The following TPRG1 variants were observed in gnomAD, a reference collection of about 807,000 sequenced individuals.
TPRG1 encodes the protein tumor protein p63 regulated 1.
Under a neutral mutation model 29.3 loss-of-function variants are expected in TPRG1, and 29 were observed. The ratio of observed to expected loss-of-function variants is 0.99; its 90% CI spans 0.74 to 1.35. The LOEUF (loss-of-function observed/expected upper bound fraction) is 1.35. Ranked by LOEUF, TPRG1 falls within the 40% of genes most tolerant of loss-of-function variation. TPRG1 has a pLI of 0.00. For synonymous variants in TPRG1, 130 were observed against 116.8 expected, an observed-to-expected ratio of 1.11 and a Z score of -0.73; for missense variants, 327 against 335.0, an observed-to-expected ratio of 0.98 and a Z score of 0.19.
intron 3 of TPRG1, among the ~76,000 whole-genome samples, chr3:189,225,230 C>A (rs1438086231): frequency 2.0e-5 from 3 of 152,222 alleles, no homozygotes; most frequent in Non-Finnish European, 4.4e-5. Flanking sequence ...CACGCCCTGC[C>A]GTCTCTTCCA....
chr3:189,186,985 G>GTTTTTTTT (rs397875585), intron 1 of TPRG1, among the ~76,000 whole-genome samples: 27 of 88,938 alleles, frequency 3.0e-4, no homozygotes, highest in African/African-American at 4.8e-4. Flanking sequence ...CATCTAAAGT[G>GTTTTTTTT]TTTTTTTTTT....
At chr3:189,151,888 A>C (rs1409857171) in intron 5 of TPRG1, among the ~76,000 whole-genome samples, 1 of 152,170 alleles carries the variant, frequency 6.6e-6, no homozygotes, top group Admixed American at 6.5e-5. Context: ...CTTACAAAAA[A>C]AAAATTGATT....
In TPRG1 at chr3:189,044,767, C is replaced by G. The variant is rs534684306; in HGVS notation, c.-463+20821C>G. 2.6e-5 allele frequency among the ~76,000 whole-genome samples: 4 copies of G among 152,114 alleles called. No individual in the cohort carries two copies. The South Asian group carries it at 8.3e-4, about 31-fold the overall frequency. On this transcript the variant is annotated intron_variant, in intron 4 of 10. Transcript: ENST00000433971. ...AGTTGGTGGTCTTCTTGAGGAGAAA[C>G]TTGAATGACAGAATTTTTGGACTTT...
intron 3 of TPRG1, among the ~76,000 whole-genome samples, chr3:189,016,579 C>A (rs1018203366): frequency 1.3e-5 from 2 of 151,956 alleles, no homozygotes; most frequent in South Asian, 2.1e-4. Flanking sequence ...GCTCTGTGAC[C>A]CCACCCAAAT....
intron 5 of TPRG1, chr3:189,315,667 G>A (rs1019720576): frequency 2.6e-4 from 82 of 318,936 alleles, no homozygotes; most frequent in African/African-American, 1.8e-3. Context: ...CAATGTTTTA[G>A]CAATTAAATT....
intron 1 of TPRG1, among the ~76,000 whole-genome samples, chr3:189,124,930 AAATAAACTTTTGACC>A (rs537991662): frequency 1.7e-3 from 254 of 152,332 alleles, no homozygotes; most frequent in African/African-American, 5.9e-3. Context: ...CTTGAAAGTT[AAATAAACTTTTGACC>A]AAAGTAGTAT....
At chr3:189,153,270 C>T (rs1726206624) in intron 5 of TPRG1, among the ~76,000 whole-genome samples, 1 of 152,176 alleles carries the variant, frequency 6.6e-6, no homozygotes, top group Non-Finnish European at 1.5e-5. Context: ...TAGTCATAAC[C>T]TGTCTTAATT....
At chr3:189,129,082 T>G (rs1722815987) in intron 2 of TPRG1, among the ~76,000 whole-genome samples, 1 of 152,256 alleles carries the variant, frequency 6.6e-6, no homozygotes. Context: ...AAATTAACTT[T>G]AGTACTATTC....
chr3:189,123,864 G>T (rs1722113287), intron 1 of TPRG1, among the ~76,000 whole-genome samples: 1 of 152,162 alleles, frequency 6.6e-6, no homozygotes, highest in Non-Finnish European at 1.5e-5. Flanking sequence ...ATGTGCCCGG[G>T]AAATGTGCTC....
chr3:189,054,404 C>T (rs1251210413), intron 4 of TPRG1, among the ~76,000 whole-genome samples: 1 of 150,742 alleles, frequency 6.6e-6, no homozygotes, highest in African/African-American at 2.4e-5. Context: ...GTAATCCCAG[C>T]ACTGTGAAAG....
chr3:189,279,012 G>A (rs897177362), intron 4 of TPRG1, among the ~76,000 whole-genome samples: 7 of 152,320 alleles, frequency 4.6e-5, no homozygotes, highest in Middle Eastern at 3.4e-3. Context: ...TTCTAGTGGT[G>A]GAGGTAGGCA....
intron 1 of TPRG1, among the ~76,000 whole-genome samples, chr3:189,109,395 T>C (rs1366002640): frequency 1.3e-5 from 2 of 152,226 alleles, no homozygotes. Flanking sequence ...ATCGCTCATA[T>C]GTCCTGGGAC....
At chr3:188,999,851 G>T (rs941440426) in intron 1 of TPRG1, among the ~76,000 whole-genome samples, 1 of 151,840 alleles carries the variant, frequency 6.6e-6, no homozygotes, top group Admixed American at 6.6e-5. Flanking sequence ...ACATATATAC[G>T]TACATACTTT....
intron 2 of TPRG1, among the ~76,000 whole-genome samples, chr3:189,213,124 A>G (rs1220428147): frequency 1.3e-5 from 2 of 152,164 alleles, no homozygotes; most frequent in Non-Finnish European, 2.9e-5. Flanking sequence ...TTTTCCTTCT[A>G]TCTGATATCA....
At chr3:189,256,363 C>T (rs1461916433) in intron 4 of TPRG1, among the ~76,000 whole-genome samples, 2 of 152,060 alleles carry the variant, frequency 1.3e-5, no homozygotes, top group Admixed American at 6.6e-5. Context: ...TTTGATTACA[C>T]CGTGGTCTGA....
chr3:189,227,044 A>G (rs1158804570), intron 3 of TPRG1, among the ~76,000 whole-genome samples: 1 of 152,064 alleles, frequency 6.6e-6, no homozygotes, highest in Non-Finnish European at 1.5e-5. Context: ...CCCTATAACA[A>G]TTAGGAAACT....
At chr3:189,019,024 T>G (rs1168801477) in intron 3 of TPRG1, among the ~76,000 whole-genome samples, 1 of 152,192 alleles carries the variant, frequency 6.6e-6, no homozygotes, top group East Asian at 1.9e-4. Flanking sequence ...ATAATTTGTC[T>G]CTCTGTTTGT....
At chr3:189,299,530 C>G (rs2109255597) in intron 4 of TPRG1, among the ~76,000 whole-genome samples, 1 of 151,922 alleles carries the variant, frequency 6.6e-6, no homozygotes, top group East Asian at 1.9e-4. Context: ...TTAAACAGAA[C>G]AACTCAGAAA....
chr3:189,049,526 C>T (rs541357512), intron 4 of TPRG1, among the ~76,000 whole-genome samples: 33 of 152,174 alleles, frequency 2.2e-4, no homozygotes, highest in Non-Finnish European at 4.7e-4. Flanking sequence ...TCAGACACAC[C>T]TAGCCCTGCC....
Sources: gnomAD v4.1 joint callset for allele counts (sites outside exome capture counted in the v4.1 genomes callset) on GRCh38, gnomAD v4.1.1 for gene constraint, MANE v1.5 for transcripts, NCBI Gene and HGNC (gene_info 2026-07-23, HGNC 2026-07-21) for gene names.